The following PLCE1 variants were observed in gnomAD, a reference collection of about 807,000 sequenced individuals.
The protein encoded by PLCE1 is 1-phosphatidylinositol 4,5-bisphosphate phosphodiesterase epsilon-1.
PLCE1 carries 119 observed loss-of-function variants against 242.8 expected under a neutral mutation model. The ratio of observed to expected loss-of-function variants is 0.49; its 90% confidence interval spans 0.42 to 0.57. The LOEUF is 0.57. Ranked by LOEUF, PLCE1 falls within the 20% of genes least tolerant of loss-of-function variation. PLCE1 has a pLI of 0.00. For synonymous variants in PLCE1, 945 were observed against 1,017.4 expected (o/e 0.93, Z 1.35); for missense variants, 2,441 against 2,788.8 (o/e 0.88, Z 2.81).
At chr10:94,314,357 T>C (rs969981818) in intron 28 of PLCE1, among the ~76,000 whole-genome samples, 2 of 152,168 alleles carry the variant, frequency 1.3e-5, no homozygotes, top group African/African-American at 4.8e-5. Flanking sequence ...CCCAGCTCTT[T>C]GGGAGGCCGA....
intron 1 of PLCE1, among the ~76,000 whole-genome samples, chr10:94,004,273 A>T (rs935537157): frequency 6.6e-6 from 1 of 152,214 alleles, no homozygotes; most frequent in Non-Finnish European, 1.5e-5. Context: ...CACAGTATGG[A>T]CTTCCTTTTC....
At chr10:94,073,150 C>G (rs2044408317) in intron 2 of PLCE1, among the ~76,000 whole-genome samples, 1 of 152,086 alleles carries the variant, frequency 6.6e-6, no homozygotes, top group African/African-American at 2.4e-5. Flanking sequence ...TAACTGCTCC[C>G]CCCACCACCC....
intron 4 of PLCE1, among the ~76,000 whole-genome samples, chr10:94,211,966 A>G (rs1024090584): frequency 1.3e-5 from 2 of 152,008 alleles, no homozygotes; most frequent in Non-Finnish European, 2.9e-5. Context: ...GTTCCTTTGA[A>G]AAAAAAATTA....
In PLCE1 at chr10:94,234,219, G is replaced by A. The variant is rs777745144; in HGVS notation, c.2121G>A (p.Gly707=). Residue 707 remains glycine (G), a synonymous_variant, in exon 6 of 33, where the codon GGG becomes GGA. Transcript: ENST00000371380. ...GCTGTAAGGTGGTTCCATTCTGTGG[G>A]GTGTTTCTGAAGGAGCTCTGTGAAG... ...IPGCKVVPFC[G]VFLKELCEVL... 1 of 1,614,122 alleles carries A rather than the reference G, an allele frequency of 6.2e-7. No homozygotes were observed. Among genetic ancestry groups the A allele is most frequent in the Non-Finnish European group, 8.5e-7 (1 of 1,179,990 alleles).
At chr10:94,189,861 T>A (rs2048604493) in intron 4 of PLCE1, among the ~76,000 whole-genome samples, 2 of 152,236 alleles carry the variant, frequency 1.3e-5, no homozygotes, top group Admixed American at 1.3e-4. Flanking sequence ...GAGCATGTGC[T>A]TTAATTCATA....
chr10:94,005,496 ATAC>A (rs1343647165), intron 1 of PLCE1, among the ~76,000 whole-genome samples: 1 of 152,198 alleles, frequency 6.6e-6, no homozygotes, highest in Admixed American at 6.5e-5. Context: ...ACATGGACAA[ATAC>A]CTGAACTTCT....
At chr10:94,188,486 C>G (rs1394739397) in intron 4 of PLCE1, among the ~76,000 whole-genome samples, 1 of 152,214 alleles carries the variant, frequency 6.6e-6, no homozygotes, top group East Asian at 1.9e-4. Context: ...CTGTGTGGCT[C>G]TTGGACTCCG....
chr10:94,042,232 G>A (rs2061783536), intron 2 of PLCE1, among the ~76,000 whole-genome samples: 1 of 152,176 alleles, frequency 6.6e-6, no homozygotes, highest in Non-Finnish European at 1.5e-5. Context: ...ACGCTGTGTA[G>A]TAGAAGGGCA....
At chr10:94,247,054 G>T (rs2050709313) in intron 8 of PLCE1, among the ~76,000 whole-genome samples, 1 of 150,118 alleles carries the variant, frequency 6.7e-6, no homozygotes, top group South Asian at 2.1e-4. Flanking sequence ...AGAGGTTGCA[G>T]TGAGCCAAGA....
chr10:94,000,951 T>A (rs536143813), intron 1 of PLCE1, among the ~76,000 whole-genome samples: 1 of 152,282 alleles, frequency 6.6e-6, no homozygotes, highest in African/African-American at 2.4e-5. Context: ...AGAGTAAAGC[T>A]CCAGTCTCCT....
At chr10:94,322,230 C>A (rs957048625) in intron 30 of PLCE1, among the ~76,000 whole-genome samples, 171 bp downstream of exon 30, 2 of 152,056 alleles carry the variant, frequency 1.3e-5, no homozygotes, top group African/African-American at 4.8e-5. Flanking sequence ...GTGGCTCATG[C>A]CTGTAATCCC....
chr10:94,253,847 A>G (rs1316308150), intron 9 of PLCE1, among the ~76,000 whole-genome samples: 4 of 152,090 alleles, frequency 2.6e-5, no homozygotes, highest in Non-Finnish European at 4.4e-5. Flanking sequence ...AAACCATATC[A>G]TCTATCTAGA....
At chr10:94,280,101 C>T in intron 20 of PLCE1, 190 bp downstream of exon 20, 1 of 626,604 alleles carries the variant, frequency 1.6e-6, no homozygotes, top group Non-Finnish European at 2.8e-6. Flanking sequence ...CCAACACTTA[C>T]AGAAAGAAGA....
chr10:94,287,591 A>C (rs2052498634), intron 22 of PLCE1: 1 of 152,086 alleles, frequency 6.6e-6, no homozygotes, highest in South Asian at 2.1e-4. Context: ...AAGAGCCAGA[A>C]TTCCTGTCAG....
intron 2 of PLCE1, among the ~76,000 whole-genome samples, chr10:94,109,852 GT>G (rs558058616): frequency 2.7e-3 from 365 of 137,398 alleles, no homozygotes; most frequent in Middle Eastern, 0.016. Flanking sequence ...GCTCTGGGAT[GT>G]TTTTTTTTTT....
intron 23 of PLCE1, among the ~76,000 whole-genome samples, chr10:94,294,601 T>A (rs1303428961): frequency 6.6e-6 from 1 of 152,236 alleles, no homozygotes; most frequent in African/African-American, 2.4e-5. Flanking sequence ...TACCATAGTC[T>A]ATTAAGTGTG....
At chr10:94,084,608 C>T (rs1239574983) in intron 2 of PLCE1, among the ~76,000 whole-genome samples, 1 of 152,190 alleles carries the variant, frequency 6.6e-6, no homozygotes, top group Non-Finnish European at 1.5e-5. Flanking sequence ...GTCTCCGCAT[C>T]TTTCATGTGA....
At chr10:94,014,326 A>G (rs1257242400) in intron 1 of PLCE1, among the ~76,000 whole-genome samples, 1 of 152,016 alleles carries the variant, frequency 6.6e-6, no homozygotes, top group East Asian at 1.9e-4. Flanking sequence ...TGTACAGGTC[A>G]GGTGGAGTGG....
intron 2 of PLCE1, among the ~76,000 whole-genome samples, chr10:94,090,974 C>G (rs1453488202): frequency 6.6e-6 from 1 of 152,156 alleles, no homozygotes; most frequent in Non-Finnish European, 1.5e-5. Context: ...TGTGTCCATT[C>G]TATTTTAGAG....
Sources: allele counts gnomAD v4.1 joint callset (sites outside exome capture counted in the v4.1 genomes callset), GRCh38; gene constraint gnomAD v4.1.1; transcripts MANE v1.5; gene names NCBI Gene and HGNC (gene_info 2026-07-23, HGNC 2026-07-21).